HSPG2: variants seen among roughly 807,000 people sequenced by gnomAD.
HSPG2 encodes basement membrane-specific heparan sulfate proteoglycan core protein.
HSPG2 carries 278 observed loss-of-function variants against 526.6 expected under a neutral mutation model. That is an observed-to-expected ratio of 0.53 (90% CI 0.48 to 0.58). The LOEUF (loss-of-function observed/expected upper bound fraction) is 0.58, where lower values mean the gene tolerates loss of function less well. Among genes scored for constraint, HSPG2 ranks in the 20% least tolerant of loss-of-function variants. The pLI is 0.00. For synonymous variants in HSPG2, 2,465 were observed against 2,555.4 expected (o/e 0.96, Z 1.07); for missense variants, 5,354 against 6,099.5 (o/e 0.88, Z 4.07).
Position 21,860,050 on chromosome 1 carries a change from A to G in HSPG2, c.5015-48T>C, listed in dbSNP as rs778992129. On this transcript the variant is annotated intron_variant, in intron 40 of 96. Coordinates refer to ENST00000374695, the MANE Select transcript of HSPG2 (RefSeq NM_005529.7). ...GAAGGGCCTTTCAGCATTGTCTTCA[A>G]TATCTCTGCTCTCCCAAAAGCTGGG... The G allele has an allele frequency of 3.7e-5, 59 of 1,603,312 alleles. 1 individual carries two copies. In the Middle Eastern group the frequency reaches 1.3e-3, roughly 36 times the overall value.
chr1:21,842,047 C>A lies in HSPG2; in HGVS notation c.9148G>T (p.Ala3050Ser). The part of the protein sequence containing the change: ...SFKCLIHDGA[A>S]PISLEWKTRN... ...GTCTTCCACTCGAGGCTGATGGGGG[C>A]TGCCCCGTCATGGATGAGGCACTTG... The change falls in exon 69 of 97, where the codon GCC becomes TCC. Residue 3050 changes from alanine (A) to serine (S), a missense_variant. Coordinates refer to ENST00000374695, the MANE Select transcript of HSPG2 (RefSeq NM_005529.7). 1 of 1,613,582 alleles carries A rather than the reference C, an allele frequency of 6.2e-7. No homozygotes were observed. Among genetic ancestry groups the A allele is most frequent in the South Asian group, 1.1e-5 (1 of 91,084 alleles).
Position 21,873,046 on chromosome 1 carries a change from T to C in HSPG2, c.3839A>G (p.Gln1280Arg). 3 of 1,605,338 alleles carry C rather than the reference T, an allele frequency of 1.9e-6. No homozygotes were observed. Among genetic ancestry groups the C allele is most frequent in the Non-Finnish European group, 2.5e-6 (3 of 1,179,966 alleles). The change falls in exon 31 of 97, where the codon CAA (glutamine) becomes CGA (arginine). Residue 1280 changes from glutamine (Q) to arginine (R), a missense_variant. Transcript: ENST00000374695. ...PGPIGCNCDP[Q>R]GSVSSQCDAA... ...ATCACACTGGCTGCTGACGCTGCCT[T>C]GGGGGTCACAGTTGCAGCCTATGGG...
At position 21,896,375 on chromosome 1, in the gene HSPG2, C is replaced by A. The variant is rs945348703; in HGVS notation, c.64-65G>T. The A allele has an allele frequency of 1.8e-5, 29 of 1,589,930 alleles. No individual in the cohort carries two copies. The African/African-American group carries it at 3.8e-4, about 21-fold the overall frequency. ...CTCCCACTGAGCCCCACGGTCCTTC[C>A]CCTCACTTCCAGGGGGACCCAGAAT... On this transcript the variant is annotated intron_variant, in intron 1 of 96. Coordinates refer to ENST00000374695, the MANE Select transcript of HSPG2 (RefSeq NM_005529.7).
chr1:21,847,767 C>T lies in HSPG2; in HGVS notation c.7947G>A (p.Leu2649=). 6.2e-7 allele frequency: 1 copy of T among 1,613,686 alleles called. No individual in the cohort carries two copies. Among genetic ancestry groups the T allele is most frequent in the Non-Finnish European group, 8.5e-7 (1 of 1,179,954 alleles). ...PTVVEGQTLD[L]NCVVARQPQA... The stretch of plus-strand genomic sequence containing the variant: ...GGGGCTGCCTGGCGACCACGCAGTT[C>T]AGATCCAAGGTCTGCCCTTCCACCA... The change falls in exon 61 of 97, where the codon CTG becomes CTA. Residue 2649 remains leucine, a synonymous_variant. Coordinates refer to ENST00000374695, the MANE Select transcript of HSPG2 (RefSeq NM_005529.7). The surrounding 1 kb of genome is among the most constrained non-coding windows in gnomAD (Gnocchi z 4.1).
rs1640695246 is a variant in HSPG2, at chr1:21,872,094, T to C, written c.4221+92A>G. ...CACGTGCCTAACCACGATATGGCCA[T>C]GCAGGTGGCAGGTGCCTGCCTGCTG... On this transcript the variant is annotated intron_variant, in intron 33 of 96. Transcript: ENST00000374695. This position sits in a 1 kb window ranked among gnomAD's most constrained non-coding sequence, Gnocchi z 5.5. The C allele has an allele frequency of 8.0e-6, 11 of 1,369,740 alleles. No homozygotes were observed. The highest frequency in any genetic ancestry group is 2.5e-5 in the East Asian group (1 of 39,976). The allele number at this position is 1,369,740 out of a possible 1,614,324, so 84.8% of individuals were successfully genotyped here.
intron 1 of HSPG2, among the ~76,000 whole-genome samples, chr1:21,922,417 A>G (rs1300253031): frequency 6.6e-6 from 1 of 152,224 alleles, no homozygotes; most frequent in African/African-American, 2.4e-5. Context: ...GGCGGTCTGA[A>G]GCCTTTCAGC....
chr1:21,881,380 C>G lies in HSPG2; in HGVS notation c.1777G>C (p.Asp593His). The G allele has an allele frequency of 6.2e-7, 1 of 1,614,170 alleles. No individual in the cohort carries two copies. The highest frequency in any genetic ancestry group is 1.1e-5 in the South Asian group (1 of 91,080). The change falls in exon 14 of 97, where the codon GAC becomes CAC. Residue 593 changes from aspartate to histidine, a missense_variant. Physicochemically the swap from Asp to His is moderately conservative, Grantham distance 81. Transcript: ENST00000374695. ...TGTTCAGGCAGAGCCCAGAAGGAGT[C>G]GTGGACGAGGAAGCGGCGGGACAGG... The part of the protein sequence containing the change: ...VDLSRRFLVH[D>H]SFWALPEQFL...
chr1:21,863,068 A>AAAAAAAAACAAAC (rs1639939079), intron 37 of HSPG2, among the ~76,000 whole-genome samples: 1 of 66,228 alleles, frequency 1.5e-5, no homozygotes, highest in African/African-American at 5.9e-5. Context: ...CTCAAAAAAA[A>AAAAAAAAACAAAC]AAAAAAAAAA....
At position 21,865,404 on chromosome 1, in the gene HSPG2, G is replaced by T; in HGVS notation, c.4315-39C>A. The T allele has an allele frequency of 6.3e-7, 1 of 1,589,712 alleles. No homozygotes were observed. Among genetic ancestry groups the T allele is most frequent in the Non-Finnish European group, 8.6e-7 (1 of 1,158,422 alleles). On this transcript the variant is annotated intron_variant, in intron 34 of 96. Coordinates refer to ENST00000374695, the MANE Select transcript of HSPG2 (RefSeq NM_005529.7). This position sits in a 1 kb window ranked among gnomAD's most constrained non-coding sequence, Gnocchi z 5.4. ...AGCAGGATTGGAAGGGGAGCCGAGG[G>T]GTCCCTGGGGTGCCAGGGTGTCCTC...
intron 91 of HSPG2, among the ~76,000 whole-genome samples, chr1:21,826,450 C>T (rs187167441): frequency 2.0e-5 from 3 of 152,116 alleles, no homozygotes; most frequent in Admixed American, 1.3e-4. Context: ...GCAATCTGCC[C>T]GCCACAGCCT....
intron 1 of HSPG2, among the ~76,000 whole-genome samples, chr1:21,905,281 G>A (rs972694472): frequency 1.5e-5 from 2 of 137,648 alleles, no homozygotes; most frequent in Non-Finnish European, 3.2e-5. Flanking sequence ...ACACACACAC[G>A]CCACGCTCCA....
chr1:21,873,266 G>C, intron 30 of HSPG2, 109 bp downstream of exon 30: 1 of 1,349,254 alleles, frequency 7.4e-7, no homozygotes, highest in Admixed American at 1.7e-5. Flanking sequence ...TACAGATGAA[G>C]AAACAGGCTC....
chr1:21,843,193 T>C (rs562057959), intron 66 of HSPG2, 104 bp downstream of exon 66: 628 of 1,528,534 alleles, frequency 4.1e-4, no homozygotes, highest in Non-Finnish European at 5.3e-4. Context: ...AAACCCCGCC[T>C]GCAGGCAACA....
chr1:21,875,954 AC>A lies in HSPG2; in HGVS notation c.3091del (p.Val1031CysfsTer9). 1 of 1,614,182 alleles carries A rather than the reference AC, an allele frequency of 6.2e-7. No individual in the cohort carries two copies. ...TAGGATGATGTTGTTACCTTGCAGC[AC>A]CACCAACGGCTGCCCGTGCAGGGGT... ...STPLHGQPLV[V>X]LQGNNIILEH... is the part of the protein sequence containing the mutation. On this transcript the variant is annotated frameshift_variant, in exon 24 of 97. Transcript: ENST00000374695. LOFTEE classifies it high-confidence loss of function.
At chr1:21,850,306 G>A in intron 56 of HSPG2, 57 bp downstream of exon 56, 2 of 1,606,216 alleles carry the variant, frequency 1.2e-6, no homozygotes, top group Non-Finnish European at 1.7e-6. Flanking sequence ...GCCGTTGCAA[G>A]AGTGGGGGGC....
At chr1:21,910,229 G>T (rs1247773853) in intron 1 of HSPG2, among the ~76,000 whole-genome samples, 1 of 152,194 alleles carries the variant, frequency 6.6e-6, no homozygotes, top group Non-Finnish European at 1.5e-5. Context: ...CTCTGACTGG[G>T]CCTCCTCCCT....
intron 91 of HSPG2, 59 bp downstream of exon 91, chr1:21,827,804 G>A (rs772760787): frequency 8.6e-6 from 13 of 1,507,576 alleles, no homozygotes; most frequent in Non-Finnish European, 1.2e-5. Flanking sequence ...TGAGGGTGTG[G>A]GGTAACTGGA....
intron 33 of HSPG2, chr1:21,869,594 G>A: frequency 1.0e-6 from 1 of 986,090 alleles, no homozygotes. Context: ...GGAGGGGGTT[G>A]GGGTTGGGCA....
At position 21,937,201 on chromosome 1, in the gene HSPG2, GCCGCCCGCCACC is replaced by G; in HGVS notation, c.5_16del (p.Gly2_Ala5del). On this transcript the variant is annotated inframe_deletion, in exon 1 of 97. Coordinates refer to ENST00000374695, the MANE Select transcript of HSPG2 (RefSeq NM_005529.7). Reference sequence around the variant, plus strand: ...CAGCAGCGCCAGCAGCAGCGCGCCCGCCGCCCGCCACCCCATGGCCCGGCCCGCGCCGCTCTC... The same window carrying G: ...CAGCAGCGCCAGCAGCAGCGCGCCCGCCATGGCCCGGCCCGCGCCGCTCTC... The G allele has an allele frequency of 9.3e-7, 1 of 1,074,444 alleles. No individual in the cohort carries two copies. The highest frequency in any genetic ancestry group is 1.8e-5 in the African/African-American group (1 of 56,984). The allele number at this position is 1,074,444 out of a possible 1,614,324, so 66.6% of individuals were successfully genotyped here.
Sources: gnomAD v4.1 joint callset for allele counts (sites outside exome capture counted in the v4.1 genomes callset) on GRCh38, gnomAD v4.1.1 for gene constraint, Gnocchi (gnomAD v3.1) non-coding constraint, MANE v1.5 for transcripts, NCBI Gene and HGNC (gene_info 2026-07-23, HGNC 2026-07-21) for gene names.